CPEB1: variants seen among roughly 807,000 people sequenced by gnomAD.
CPEB1 encodes cytoplasmic polyadenylation element-binding protein 1.
Under a neutral mutation model 65.8 loss-of-function variants are expected in CPEB1, and 7 were observed. The observed-to-expected ratio is 0.11, with a 90% CI of 0.06 to 0.20. The LOEUF is 0.20. Among genes scored for constraint, CPEB1 ranks in the 10% least tolerant of loss-of-function variants. CPEB1 has a pLI of 1.00. For synonymous variants in CPEB1, 262 were observed against 260.0 expected (o/e 1.01, Z -0.08); for missense variants, 551 against 712.2 (o/e 0.77, Z 2.58).
At chr15:82,628,710 C>G (rs2045981330) in intron 1 of CPEB1, 154 bp from the exon 2 acceptor site, 3 of 457,530 alleles carry the variant, frequency 6.6e-6, no homozygotes, top group African/African-American at 2.0e-5. Context: ...ACCTTTGCCA[C>G]CCCTGAGAGA....
At chr15:82,566,747 G>A (rs1567184843) in intron 4 of CPEB1, among the ~76,000 whole-genome samples, 1 of 151,986 alleles carries the variant, frequency 6.6e-6, no homozygotes, top group Non-Finnish European at 1.5e-5. Flanking sequence ...GGCCTCCCTG[G>A]CCACACTGCT....
At chr15:82,569,447 G>A (rs1567188051) in intron 4 of CPEB1, among the ~76,000 whole-genome samples, 1 of 152,210 alleles carries the variant, frequency 6.6e-6, no homozygotes, top group Non-Finnish European at 1.5e-5. Context: ...CTGAGGCTCA[G>A]GCTGCAGTCC....
intron 9 of CPEB1, among the ~76,000 whole-genome samples, chr15:82,550,156 G>A (rs1350502143): frequency 6.6e-6 from 1 of 152,158 alleles, no homozygotes; most frequent in Non-Finnish European, 1.5e-5. Context: ...GAGGGTTTGT[G>A]CCAGAGCAGT....
intron 3 of CPEB1, among the ~76,000 whole-genome samples, chr15:82,615,824 A>G (rs1026148085): frequency 2.0e-5 from 3 of 152,144 alleles, no homozygotes; most frequent in African/African-American, 7.2e-5. Flanking sequence ...AAACTCTGCA[A>G]TTAACTTCTA....
chr15:82,546,587 A>C (rs1161323876), intron 11 of CPEB1, 66 bp from the exon 12 acceptor site: 7 of 1,169,350 alleles, frequency 6.0e-6, no homozygotes, highest in East Asian at 4.7e-5. Flanking sequence ...AGGCGATAGA[A>C]GAAGGGCACA....
At chr15:82,597,480 GAC>G (rs1355280797) in intron 3 of CPEB1, among the ~76,000 whole-genome samples, 1 of 152,160 alleles carries the variant, frequency 6.6e-6, no homozygotes, top group Non-Finnish European at 1.5e-5. Flanking sequence ...GAGAAACAAA[GAC>G]AGTTATTTAA....
At chr15:82,587,843 C>A (rs945993659) in intron 3 of CPEB1, among the ~76,000 whole-genome samples, 1 of 152,142 alleles carries the variant, frequency 6.6e-6, no homozygotes, top group Non-Finnish European at 1.5e-5. Context: ...TATGTTTATA[C>A]CTAAGTACAA....
At chr15:82,597,903 G>T (rs1328028264) in intron 3 of CPEB1, among the ~76,000 whole-genome samples, 1 of 152,202 alleles carries the variant, frequency 6.6e-6, no homozygotes, top group Non-Finnish European at 1.5e-5. Flanking sequence ...TAGGAGAGCT[G>T]CTCCAGATAT....
In CPEB1 at chr15:82,544,642, G is replaced by A. The variant is rs1214902859; in HGVS notation, c.1717C>T (p.Arg573Cys). 25 of 1,613,198 alleles carry A rather than the reference G, an allele frequency of 1.5e-5. No individual in the cohort carries two copies. Among genetic ancestry groups the A allele is most frequent in the East Asian group, 2.2e-5 (1 of 44,888 alleles). ...TTCCGCATCAGGGGGCTGTGGTGGCGCAGGCCCTCCATGCTGTGCCGCCAG... is the reference window on the plus strand; with the variant it reads ...TTCCGCATCAGGGGGCTGTGGTGGCACAGGCCCTCCATGCTGTGCCGCCAG... Reference protein sequence around the residue: ...WHWRHSMEGLRHHSPLMRNQK... With the variant: ...WHWRHSMEGLCHHSPLMRNQK... The change falls in exon 13 of 13, where the codon CGC (arginine) becomes TGC (cysteine). Residue 573 changes from arginine (R) to cysteine (C), a missense_variant. Coordinates refer to ENST00000684509, the MANE Select transcript of CPEB1 (RefSeq NM_001365242.1).
intron 1 of CPEB1, among the ~76,000 whole-genome samples, chr15:82,643,748 C>A (rs1458962302): frequency 6.6e-6 from 1 of 152,128 alleles, no homozygotes; most frequent in African/African-American, 2.4e-5. Context: ...GAAACCCCAG[C>A]CCCTCATTTC....
upstream of CPEB1, chr15:82,647,923 G>A (rs587720811): frequency 4.9e-6 from 6 of 1,223,404 alleles, no homozygotes; most frequent in East Asian, 1.9e-4. Context: ...GCCGGCGGGC[G>A]AGAGACGCGC....
intron 3 of CPEB1, among the ~76,000 whole-genome samples, chr15:82,601,149 G>GC (rs1456557714): frequency 6.7e-6 from 1 of 149,970 alleles, no homozygotes; most frequent in East Asian, 2.0e-4. Flanking sequence ...CAGGTGATCC[G>GC]CCCCCACCTC....
chr15:82,605,612 G>A (rs568121488), intron 3 of CPEB1, among the ~76,000 whole-genome samples: 33 of 152,146 alleles, frequency 2.2e-4, no homozygotes, highest in South Asian at 4.1e-4. Context: ...ATTTCACAGC[G>A]TATACATATA....
chr15:82,590,154 T>C (rs918972543), intron 3 of CPEB1, among the ~76,000 whole-genome samples: 5 of 148,964 alleles, frequency 3.4e-5, no homozygotes, highest in Admixed American at 2.8e-4. Context: ...TTTATTAGTG[T>C]TGACTAAAAG....
intron 6 of CPEB1, 60 bp from the exon 7 acceptor site, chr15:82,554,051 T>C (rs945205981): frequency 9.9e-7 from 1 of 1,011,714 alleles, no homozygotes; most frequent in African/African-American, 1.6e-5. Flanking sequence ...AGCCACACTC[T>C]TCCCTGGGGT....
chr15:82,622,911 T>C (rs755394822), intron 3 of CPEB1, among the ~76,000 whole-genome samples: 27 of 152,090 alleles, frequency 1.8e-4, no homozygotes, highest in Middle Eastern at 3.2e-3. Flanking sequence ...GCTACCCCCC[T>C]CCTTATGTGA....
rs1265935251 is a variant in CPEB1, at chr15:82,628,567, T to G, written c.-97-11A>C. ...ACACAGGCACTGAAACTAACGCAAATGGTGGAATTAGGATTGGTACCACAT... is the reference window on the plus strand; with the variant it reads ...ACACAGGCACTGAAACTAACGCAAAGGGTGGAATTAGGATTGGTACCACAT... On this transcript the variant is annotated splice_polypyrimidine_tract_variant and intron_variant, in intron 1 of 12. Transcript: ENST00000684509. The G allele has an allele frequency of 3.2e-6, 2 of 634,508 alleles. No individual in the cohort carries two copies. The highest frequency in any genetic ancestry group is 5.6e-6 in the Non-Finnish European group (2 of 357,066). 39.3% of individuals were successfully genotyped at this position (634,508 alleles called of 1,614,324 possible).
At chr15:82,557,209 A>C (rs1192392565) in intron 5 of CPEB1, among the ~76,000 whole-genome samples, 2 of 152,232 alleles carry the variant, frequency 1.3e-5, no homozygotes, top group East Asian at 3.8e-4. Flanking sequence ...AGGAACGTGA[A>C]ATGCAAAAAT....
At chr15:82,610,404 A>C (rs1380521083) in intron 3 of CPEB1, among the ~76,000 whole-genome samples, 1 of 152,218 alleles carries the variant, frequency 6.6e-6, no homozygotes, top group Non-Finnish European at 1.5e-5. Context: ...AGAGACCACA[A>C]GAAAACAAAA....
Sources: allele counts gnomAD v4.1 joint callset (sites outside exome capture counted in the v4.1 genomes callset), GRCh38; gene constraint gnomAD v4.1.1; transcripts MANE v1.5; gene names NCBI Gene and HGNC (gene_info 2026-07-23, HGNC 2026-07-21).